The following TTLL11 variants were observed in gnomAD, a reference collection of about 807,000 sequenced individuals.
TTLL11 encodes the protein tubulin polyglutamylase TTLL11.
TTLL11 carries 42 observed loss-of-function variants against 51.7 expected under a neutral mutation model. That is an observed-to-expected ratio of 0.81 (90% CI 0.64 to 1.05). The LOEUF (loss-of-function observed/expected upper bound fraction) is 1.05. TTLL11 is among the 50% of genes least tolerant of loss of function. TTLL11 has a pLI of 0.00. For synonymous variants in TTLL11, 381 were observed against 383.5 expected, an observed-to-expected ratio of 0.99 and a Z score of 0.08; for missense variants, 799 against 940.4, an observed-to-expected ratio of 0.85 and a Z score of 1.97.
intron 6 of TTLL11, among the ~76,000 whole-genome samples, chr9:121,970,991 G>A (rs1010844818): frequency 1.1e-4 from 16 of 151,976 alleles, no homozygotes; most frequent in African/African-American, 3.6e-4. Context: ...AAATGTGGCC[G>A]GCCAGCCGCC....
chr9:121,974,938 A>G lies in TTLL11; in HGVS notation c.1311T>C (p.Pro437=), dbSNP rs1380757414. 1.3e-6 allele frequency: 2 copies of G among 1,539,110 alleles called. No individual in the cohort carries two copies. The highest frequency in any genetic ancestry group is 1.2e-5 in the South Asian group (1 of 80,406). Residue 437 remains proline, a synonymous_variant, in exon 5 of 9, where the codon CCT becomes CCC. Coordinates refer to ENST00000321582, the MANE Select transcript of TTLL11 (RefSeq NM_001139442.2). ...GATTTGCATTTACTTCAAGTAGTAT[A>G]GGCTTCAGATTTTTCATTAGAAGAA... ...FDILLMKNLK[P]ILLEVNANPS...
At chr9:121,961,498 A>G (rs565913434) in intron 6 of TTLL11, among the ~76,000 whole-genome samples, 3 of 152,194 alleles carry the variant, frequency 2.0e-5, no homozygotes, top group East Asian at 1.9e-4. Context: ...TTTACCCCCA[A>G]GAGTCTCGCT....
chr9:121,930,267 G>A (rs576512126), intron 6 of TTLL11, among the ~76,000 whole-genome samples: 2 of 152,270 alleles, frequency 1.3e-5, no homozygotes, highest in African/African-American at 2.4e-5. Flanking sequence ...GTAAATTATG[G>A]GGTAAAACAT....
chr9:122,014,779 T>A (rs1401242460), intron 3 of TTLL11, among the ~76,000 whole-genome samples: 1 of 152,184 alleles, frequency 6.6e-6, no homozygotes, highest in African/African-American at 2.4e-5. Context: ...CTCAGCTTCC[T>A]CATCTATAAG....
rs1190773351 is a variant in TTLL11, at chr9:121,826,195, T to C, written c.1841-3316A>G. Among the ~76,000 whole-genome samples, 9 of 105,816 alleles carry C rather than the reference T, an allele frequency of 8.5e-5. 2 individuals carry two copies. Among genetic ancestry groups the C allele is most frequent in the African/African-American group, 1.3e-4 (3 of 22,902 alleles). 69.4% of individuals were successfully genotyped at this position (105,816 alleles called of 152,430 possible). A position where few individuals can be genotyped will look rare whatever the true frequency, so the allele number is the denominator to read the frequency against. The stretch of plus-strand genomic sequence containing the variant: ...ATATAACCAGTAACCTATATATATA[T>C]ATATATATATATATATATATATGCA... On this transcript the variant is annotated intron_variant, in intron 8 of 8. Coordinates refer to ENST00000321582, the MANE Select transcript of TTLL11 (RefSeq NM_001139442.2).
intron 8 of TTLL11, among the ~76,000 whole-genome samples, chr9:121,842,258 A>T (rs7021051): frequency 0.46 from 45,875 of 98,882 alleles, 7,101 homozygotes; most frequent in East Asian, 0.57. Context: ...CCTTTTTTTT[A>T]AAAAAAAAAG....
intron 3 of TTLL11, among the ~76,000 whole-genome samples, chr9:122,000,471 CAAAAAAAAAA>C (rs57775265): frequency 8.8e-5 from 2 of 22,814 alleles, no homozygotes; most frequent in African/African-American, 2.5e-4. Context: ...GACTCCGTCG[CAAAAAAAAAA>C]AAAAAAAAAA....
chr9:121,984,293 A>C (rs899268778), intron 4 of TTLL11, among the ~76,000 whole-genome samples: 3 of 152,232 alleles, frequency 2.0e-5, no homozygotes, highest in Admixed American at 6.5e-5. Flanking sequence ...AAGGCACTTC[A>C]TCATAGACAA....
intron 1 of TTLL11, among the ~76,000 whole-genome samples, chr9:122,092,180 G>A (rs1468043464): frequency 1.3e-5 from 2 of 152,196 alleles, no homozygotes; most frequent in Non-Finnish European, 2.9e-5. Context: ...GAAGGTAATA[G>A]GCTGAAGAGG....
chr9:121,875,949 A>G (rs1281678525), intron 6 of TTLL11, among the ~76,000 whole-genome samples: 1 of 152,210 alleles, frequency 6.6e-6, no homozygotes, highest in Non-Finnish European at 1.5e-5. Context: ...TTTTGCCTGG[A>G]AAGTTAACTG....
chr9:121,863,121 A>G (rs1838067964), intron 7 of TTLL11, among the ~76,000 whole-genome samples: 1 of 151,788 alleles, frequency 6.6e-6, no homozygotes. Flanking sequence ...CCTGCTCCGT[A>G]TTTCAATCAC....
At chr9:122,090,202 A>G (rs931999559) in intron 1 of TTLL11, among the ~76,000 whole-genome samples, 1 of 152,292 alleles carries the variant, frequency 6.6e-6, no homozygotes, top group Admixed American at 6.5e-5. Flanking sequence ...AAGACTGGAA[A>G]CTGCTGAATT....
chr9:121,966,552 T>A (rs1172043876), intron 6 of TTLL11, among the ~76,000 whole-genome samples: 2 of 152,232 alleles, frequency 1.3e-5, no homozygotes, highest in Non-Finnish European at 2.9e-5. Context: ...TTTATTTACT[T>A]CTGCCTCTGA....
intron 4 of TTLL11, among the ~76,000 whole-genome samples, chr9:121,984,758 G>T (rs1456298771): frequency 6.6e-6 from 1 of 152,220 alleles, no homozygotes; most frequent in Non-Finnish European, 1.5e-5. Context: ...GATACAGGGA[G>T]CTAGAAGAAG....
chr9:122,054,101 TTCATC>T (rs1370788947), intron 1 of TTLL11, among the ~76,000 whole-genome samples: 2 of 126,880 alleles, frequency 1.6e-5, no homozygotes, highest in African/African-American at 6.7e-5. Flanking sequence ...AAGCGTGCCA[TTCATC>T]CTTCACTGAG....
intron 1 of TTLL11, among the ~76,000 whole-genome samples, chr9:122,040,575 A>G (rs1036809888): frequency 6.6e-6 from 1 of 152,234 alleles, no homozygotes; most frequent in African/African-American, 2.4e-5. Context: ...ATTAAATAAA[A>G]ATCTTTTGAT....
chr9:122,022,665 C>G (rs1844215248), intron 3 of TTLL11, among the ~76,000 whole-genome samples: 2 of 151,340 alleles, frequency 1.3e-5, no homozygotes, highest in Non-Finnish European at 3.0e-5. Flanking sequence ...AAAATGATAC[C>G]TGACAGAAAT....
chr9:121,890,483 G>C lies in TTLL11; in HGVS notation c.1482-19735C>G, dbSNP rs1406115848. On this transcript the variant is annotated intron_variant, in intron 6 of 8. Coordinates refer to ENST00000321582, the MANE Select transcript of TTLL11 (RefSeq NM_001139442.2). This position sits in a 1 kb window ranked among gnomAD's most constrained non-coding sequence, Gnocchi z 4.3. ...TCATTTCCTTCAAGTGTGTGTCCAAGTGTGCCCTTCTCAGGCAGGCCTCCC... is the reference window on the plus strand; with the variant it reads ...TCATTTCCTTCAAGTGTGTGTCCAACTGTGCCCTTCTCAGGCAGGCCTCCC... Among the ~76,000 whole-genome samples the C allele has an allele frequency of 1.3e-5, 2 of 152,078 alleles. No homozygotes were observed. Among genetic ancestry groups the C allele is most frequent in the East Asian group, 3.9e-4 (2 of 5,186 alleles).
At chr9:121,928,335 A>G (rs1279518271) in intron 6 of TTLL11, among the ~76,000 whole-genome samples, 1 of 152,204 alleles carries the variant, frequency 6.6e-6, no homozygotes, top group East Asian at 1.9e-4. Context: ...ATGGGTCTGT[A>G]CATGTACACA....
Sources: allele counts gnomAD v4.1 joint callset (sites outside exome capture counted in the v4.1 genomes callset), GRCh38; gene constraint gnomAD v4.1.1; non-coding constraint Gnocchi (gnomAD v3.1); transcripts MANE v1.5; gene names NCBI Gene and HGNC (gene_info 2026-07-23, HGNC 2026-07-21).